GSK3B: variants seen among roughly 807,000 people sequenced by gnomAD.
The protein encoded by GSK3B is glycogen synthase kinase-3 beta.
Under a neutral mutation model 56.4 loss-of-function variants are expected in GSK3B, and 15 were observed. The observed-to-expected ratio is 0.27, with a 90% confidence interval of 0.18 to 0.41. The LOEUF is 0.41. Ranked by LOEUF, GSK3B falls within the 10% of genes least tolerant of loss-of-function variation. The pLI, the probability that GSK3B is intolerant of heterozygous loss-of-function variation, is 1.00. For synonymous variants in GSK3B, 181 were observed against 188.9 expected (o/e 0.96, Z 0.34); for missense variants, 300 against 513.4 (o/e 0.58, Z 4.02).
chr3:119,963,012 C>G lies in GSK3B; in HGVS notation c.283-15661G>C, dbSNP rs542232315. On this transcript the variant is annotated intron_variant, in intron 2 of 10. Transcript: ENST00000264235. The stretch of plus-strand genomic sequence containing the variant: ...GGTTCCTAACAGGCCATGCACCACA[C>G]TGGTCCGCAGCCTGAGGGTTGGGGG... 9.2e-5 allele frequency among the ~76,000 whole-genome samples: 14 copies of G among 152,292 alleles called. 1 individual carries two copies. In the South Asian group the frequency reaches 2.9e-3, roughly 32 times the overall value.
chr3:120,037,299 C>T (rs777170331), intron 1 of GSK3B, among the ~76,000 whole-genome samples: 4 of 152,064 alleles, frequency 2.6e-5, no homozygotes, highest in Non-Finnish European at 4.4e-5. Context: ...AAGGAAGAAT[C>T]AAATGGCAAG....
Position 120,063,683 on chromosome 3 carries a change from G to A in GSK3B, c.88+29664C>T, listed in dbSNP as rs185320775. On this transcript the variant is annotated intron_variant, in intron 1 of 10. Transcript: ENST00000264235. ...GCAGAGGTTGCAGTGAGCCGAGATC[G>A]TGCCATTACACTGCAGCCTGGGTGA... is the stretch of plus-strand genomic sequence containing the variant. Among the ~76,000 whole-genome samples, 166 of 147,490 alleles carry A rather than the reference G, an allele frequency of 1.1e-3. 1 individual carries two copies. The highest frequency in any genetic ancestry group is 0.011 in the Middle Eastern group (3 of 276).
intron 9 of GSK3B, among the ~76,000 whole-genome samples, chr3:119,858,129 C>G (rs1194247858): frequency 6.6e-6 from 1 of 152,092 alleles, no homozygotes. Flanking sequence ...CTTAAGGGCC[C>G]TAGGATTTTT....
At chr3:119,840,371 T>C (rs1250237553) in intron 10 of GSK3B, among the ~76,000 whole-genome samples, 1 of 151,988 alleles carries the variant, frequency 6.6e-6, no homozygotes, top group Non-Finnish European at 1.5e-5. Context: ...ATTACAGGCA[T>C]GCATCACCAC....
chr3:120,091,908 A>G (rs1226372389), intron 1 of GSK3B, among the ~76,000 whole-genome samples: 1 of 152,216 alleles, frequency 6.6e-6, no homozygotes, highest in Non-Finnish European at 1.5e-5. Flanking sequence ...TCCCAAAGCC[A>G]ACATGAATTG....
intron 1 of GSK3B, among the ~76,000 whole-genome samples, chr3:120,072,379 G>A (rs993474442): frequency 1.6e-4 from 25 of 152,122 alleles, no homozygotes; most frequent in Admixed American, 1.5e-3. Flanking sequence ...CCAACACAGC[G>A]AACACCATGG....
At chr3:120,022,133 T>C (rs892082919) in intron 1 of GSK3B, among the ~76,000 whole-genome samples, 37 of 152,216 alleles carry the variant, frequency 2.4e-4, no homozygotes, top group African/African-American at 8.7e-4. Context: ...AACTTCATGG[T>C]TGTCTCCTTT....
intron 1 of GSK3B, among the ~76,000 whole-genome samples, chr3:120,078,841 G>A (rs550412601): frequency 2.0e-5 from 3 of 150,532 alleles, no homozygotes; most frequent in Admixed American, 6.6e-5. Context: ...GTGAGCCACC[G>A]CACCTGGCCT....
At chr3:119,869,430 A>G (rs2056225905) in intron 8 of GSK3B, among the ~76,000 whole-genome samples, 1 of 152,140 alleles carries the variant, frequency 6.6e-6, no homozygotes, top group South Asian at 2.1e-4. Flanking sequence ...CTAACAGGGT[A>G]GGATACACAA....
At chr3:119,896,146 G>T (rs1446475868) in intron 7 of GSK3B, among the ~76,000 whole-genome samples, 1 of 144,874 alleles carries the variant, frequency 6.9e-6, no homozygotes, top group Non-Finnish European at 1.5e-5. Flanking sequence ...AAAAAAAAAA[G>T]TGGCTCCTCC....
At chr3:119,888,160 T>A (rs1019733137) in intron 7 of GSK3B, among the ~76,000 whole-genome samples, 3 of 152,120 alleles carry the variant, frequency 2.0e-5, no homozygotes, top group Non-Finnish European at 4.4e-5. Context: ...CCAAAAATGG[T>A]AAATATGTGG....
chr3:119,994,350 A>G (rs1242774106), intron 2 of GSK3B, among the ~76,000 whole-genome samples: 2 of 152,218 alleles, frequency 1.3e-5, no homozygotes, highest in African/African-American at 4.8e-5. Flanking sequence ...TAATAAAGAA[A>G]AAAAGAATTA....
At chr3:120,031,929 T>C (rs1473499377) in intron 1 of GSK3B, among the ~76,000 whole-genome samples, 1 of 152,204 alleles carries the variant, frequency 6.6e-6, no homozygotes, top group East Asian at 1.9e-4. Context: ...TTCCTAATCA[T>C]TCCAGACTAC....
At chr3:119,892,958 G>A (rs1019391631) in intron 7 of GSK3B, among the ~76,000 whole-genome samples, 1 of 151,966 alleles carries the variant, frequency 6.6e-6, no homozygotes. Flanking sequence ...CACTTATAGA[G>A]GACTGATATG....
At chr3:119,901,976 AGAAAGAAAATG>A (rs1417795851) in intron 7 of GSK3B, among the ~76,000 whole-genome samples, 1 of 150,476 alleles carries the variant, frequency 6.6e-6, no homozygotes, top group Non-Finnish European at 1.5e-5. Flanking sequence ...GAGGTTTTCT[AGAAAGAAAATG>A]AAAAGAAAGC....
intron 8 of GSK3B, among the ~76,000 whole-genome samples, chr3:119,876,088 CTCT>C (rs1559818547): frequency 2.6e-5 from 4 of 152,080 alleles, no homozygotes; most frequent in South Asian, 4.2e-4. Flanking sequence ...AACTATACAC[CTCT>C]ATGTAAATAA....
intron 6 of GSK3B, 44 bp from the exon 7 acceptor site, chr3:119,905,896 T>G: frequency 1.9e-6 from 2 of 1,073,104 alleles, no homozygotes; most frequent in Non-Finnish European, 2.9e-6. Flanking sequence ...CTTCATAGCT[T>G]GAGCTGAAAA....
intron 1 of GSK3B, among the ~76,000 whole-genome samples, chr3:120,080,984 T>C (rs111494394): frequency 2.6e-5 from 4 of 152,300 alleles, no homozygotes; most frequent in African/African-American, 7.2e-5. Flanking sequence ...AGGAAAGAAA[T>C]TGAACTGTCA....
intron 6 of GSK3B, among the ~76,000 whole-genome samples, chr3:119,910,473 T>G (rs894325248): frequency 6.6e-6 from 1 of 151,698 alleles, no homozygotes; most frequent in African/African-American, 2.4e-5. Flanking sequence ...ACACACTTTA[T>G]TACTAAAAAA....
Sources: gnomAD v4.1 joint callset for allele counts (sites outside exome capture counted in the v4.1 genomes callset) on GRCh38, gnomAD v4.1.1 for gene constraint, MANE v1.5 for transcripts, NCBI Gene and HGNC (gene_info 2026-07-23, HGNC 2026-07-21) for gene names.